EP400: variants seen among roughly 807,000 people sequenced by gnomAD.
The protein encoded by EP400 is E1A binding protein p400.
A neutral mutation model predicts 354.1 loss-of-function variants in EP400; 105 were observed. That is an observed-to-expected ratio of 0.30 (90% CI 0.25 to 0.35). The LOEUF (loss-of-function observed/expected upper bound fraction) is 0.35, where lower values mean the gene tolerates loss of function less well. Among genes scored for constraint, EP400 ranks in the 10% least tolerant of loss-of-function variants. The pLI, the probability that EP400 is intolerant of heterozygous loss-of-function variation, is 1.00. For missense variants in EP400, 3,280 were observed against 4,121.0 expected (o/e 0.80, Z 5.59); for synonymous variants, 1,646 against 1,716.9 (o/e 0.96, Z 1.02).
rs1566174645 is a variant in EP400 at position 131,987,830 on chromosome 12, G to C, written c.2349G>C (p.Met783Ile). ...KSHWDYLLEE[M>I]QWMATDFAQE... is the part of the protein sequence containing the mutation. ...ACTGGGACTATCTGCTGGAGGAGATGCAGTGGATGGCCACAGACTTTGCCC... is the reference window on the plus strand; with the variant it reads ...ACTGGGACTATCTGCTGGAGGAGATCCAGTGGATGGCCACAGACTTTGCCC... Residue 783 changes from methionine to isoleucine, a missense_variant, in exon 7 of 53, where the codon ATG (methionine) becomes ATC (isoleucine). Physicochemically the swap from Met to Ile is conservative, Grantham distance 10. Transcript: ENST00000389561. 4 of 1,613,702 alleles carry C rather than the reference G, an allele frequency of 2.5e-6. No homozygotes were observed. The highest frequency in any genetic ancestry group is 3.4e-6 in the Non-Finnish European group (4 of 1,179,906).
intron 32 of EP400, among the ~76,000 whole-genome samples, chr12:132,041,078 C>T (rs1339578914): frequency 6.6e-6 from 1 of 152,240 alleles, no homozygotes; most frequent in Non-Finnish European, 1.5e-5. Flanking sequence ...CTGCTCCTCA[C>T]TGGCTTGACC....
intron 2 of EP400, among the ~76,000 whole-genome samples, chr12:131,971,280 T>C (rs1892280219): frequency 6.6e-6 from 1 of 152,254 alleles, no homozygotes; most frequent in Admixed American, 6.5e-5. Context: ...GTTAGCATTA[T>C]GCCCTCTAGG....
At chr12:132,066,546 G>A (rs898185337) in intron 48 of EP400, 9 of 524,920 alleles carry the variant, frequency 1.7e-5, no homozygotes, top group Non-Finnish European at 3.0e-5. Context: ...AGCAGCATGT[G>A]TGATGAGCCT....
chr12:132,041,659 A>T (rs1894914230), intron 32 of EP400, among the ~76,000 whole-genome samples: 1 of 152,190 alleles, frequency 6.6e-6, no homozygotes, highest in South Asian at 2.1e-4. Flanking sequence ...CGTATGTGCA[A>T]TTCAGGCTGC....
intron 12 of EP400, among the ~76,000 whole-genome samples, chr12:131,998,471 G>C (rs1172326247): frequency 6.6e-6 from 1 of 151,884 alleles, no homozygotes; most frequent in African/African-American, 2.4e-5. Flanking sequence ...TTTCATGATT[G>C]TGTCTCTTTT....
Position 132,077,797 on chromosome 12 carries a change from C to A in EP400, c.*124C>A. The A allele has an allele frequency of 8.4e-7, 1 of 1,190,130 alleles. No homozygotes were observed. The highest frequency in any genetic ancestry group is 1.1e-6 in the Non-Finnish European group (1 of 874,606). 73.7% of individuals were successfully genotyped at this position (1,190,130 alleles called of 1,614,324 possible). A position where few individuals can be genotyped will look rare whatever the true frequency, so the allele number is the denominator to read the frequency against. On this transcript the variant is annotated 3_prime_UTR_variant, in exon 53 of 53. Transcript: ENST00000389561. ...AGCACTGGGAAAGATATAATTGAAA[C>A]AAAATAGTGTAATCATTTTATTAAA... is the stretch of plus-strand genomic sequence containing the variant.
At chr12:132,056,575 G>A (rs1013731564) in intron 45 of EP400, among the ~76,000 whole-genome samples, 4 of 152,244 alleles carry the variant, frequency 2.6e-5, no homozygotes, top group South Asian at 4.1e-4. Flanking sequence ...TAACTCACAC[G>A]GAGTATGAAA....
intron 19 of EP400, among the ~76,000 whole-genome samples, chr12:132,016,186 C>T (rs769641071): frequency 1.3e-5 from 2 of 152,190 alleles, no homozygotes; most frequent in African/African-American, 4.8e-5. Context: ...TCTTTTCCTT[C>T]CCACCGCTGC....
At chr12:131,986,905 G>C (rs1157781469) in intron 6 of EP400, 98 bp downstream of exon 6, 7 of 1,389,640 alleles carry the variant, frequency 5.0e-6, no homozygotes, top group Non-Finnish European at 6.9e-6. Flanking sequence ...CGAATGCCTG[G>C]TCAATTCAGC....
rs1895915699 is a variant in EP400 at position 132,067,063 on chromosome 12, C to T, written c.8749+94C>T. 7.2e-7 allele frequency: 1 copy of T among 1,395,842 alleles called. No homozygotes were observed. The highest frequency in any genetic ancestry group is 9.4e-7 in the Non-Finnish European group (1 of 1,060,738). 86.5% of individuals were successfully genotyped at this position (1,395,842 alleles called of 1,614,324 possible). A position where few individuals can be genotyped will look rare whatever the true frequency, so the allele number is the denominator to read the frequency against. On this transcript the variant is annotated intron_variant, in intron 49 of 52. Transcript: ENST00000389561. This position sits in a 1 kb window ranked among gnomAD's most constrained non-coding sequence, Gnocchi z 5.3. Reference sequence around the variant, plus strand: ...GGTCGCCAGCGACCCGTGTTCTTTCCTCACACCCACCCACTTGAGCGTGCC... The same window carrying T: ...GGTCGCCAGCGACCCGTGTTCTTTCTTCACACCCACCCACTTGAGCGTGCC...
Position 132,021,209 on chromosome 12 carries a change from C to G in EP400, c.4578C>G (p.Ala1526=). ...AKLRAQTTAQ[A]STPGQPPPQP... is the part of the protein sequence containing the mutation. Reference sequence around the variant, plus strand: ...TGCGGGCCCAGACCACAGCACAGGCCTCCACCCCAGGCCAGCCCCCGCCCC... The same window carrying G: ...TGCGGGCCCAGACCACAGCACAGGCGTCCACCCCAGGCCAGCCCCCGCCCC... The change falls in exon 23 of 53, where the codon GCC becomes GCG. Residue 1526 remains alanine (A), a synonymous_variant. Coordinates refer to ENST00000389561, the MANE Select transcript of EP400 (RefSeq NM_015409.5). The G allele has an allele frequency of 6.3e-7, 1 of 1,598,684 alleles. No homozygotes were observed. Among genetic ancestry groups the G allele is most frequent in the Non-Finnish European group, 8.5e-7 (1 of 1,178,918 alleles).
chr12:132,027,884 C>G lies in EP400; in HGVS notation c.5110-133C>G. The G allele has an allele frequency of 1.0e-6, 1 of 966,524 alleles. No individual in the cohort carries two copies. The highest frequency in any genetic ancestry group is 1.5e-6 in the Non-Finnish European group (1 of 658,152). 59.9% of individuals were successfully genotyped at this position (966,524 alleles called of 1,614,324 possible). A position where few individuals can be genotyped will look rare whatever the true frequency, so the allele number is the denominator to read the frequency against. On this transcript the variant is annotated intron_variant, in intron 26 of 52. Transcript: ENST00000389561. This position sits in a 1 kb window ranked among gnomAD's most constrained non-coding sequence, Gnocchi z 4.9. ...TCGGCTTCATTTCTATCTCTATTTCCTGTAACACAAGACCGGGGATATTGA... is the reference window on the plus strand; with the variant it reads ...TCGGCTTCATTTCTATCTCTATTTCGTGTAACACAAGACCGGGGATATTGA...
chr12:132,035,634 A>C (rs778701582), intron 30 of EP400, among the ~76,000 whole-genome samples: 1 of 150,830 alleles, frequency 6.6e-6, no homozygotes, highest in Non-Finnish European at 1.5e-5. Context: ...GGGCACACCC[A>C]GGTTCACACA....
At chr12:132,060,084 C>G (rs1353440832) in intron 45 of EP400, among the ~76,000 whole-genome samples, 1 of 151,918 alleles carries the variant, frequency 6.6e-6, no homozygotes, top group African/African-American at 2.4e-5. Flanking sequence ...ATCTGAATAT[C>G]TGTAAGCAGG....
In EP400 at chr12:132,021,254, C is replaced by G. The variant is rs757709987; in HGVS notation, c.4623C>G (p.His1541Gln). 22 of 1,542,154 alleles carry G rather than the reference C, an allele frequency of 1.4e-5. No individual in the cohort carries two copies. The highest frequency in any genetic ancestry group is 1.0e-5 in the Non-Finnish European group (12 of 1,150,238). The change falls in exon 23 of 53, where the codon CAC (histidine) becomes CAG (glutamine). Residue 1541 changes from histidine to glutamine, a missense_variant. Physicochemically the swap from His to Gln is conservative, Grantham distance 24. Transcript: ENST00000389561. ...CGCCCCAGCCCCAGGCCCCCTCGCA[C>G]GCGGCCGGGCAGAGCGCGCTGCCTC... Reference protein sequence around the residue: ...QPPPQPQAPSHAAGQSALPQR... With the variant: ...QPPPQPQAPSQAAGQSALPQR...
chr12:131,958,118 C>G (rs1394670396), intron 1 of EP400, among the ~76,000 whole-genome samples: 1 of 152,168 alleles, frequency 6.6e-6, no homozygotes, highest in Non-Finnish European at 1.5e-5. Context: ...CCCGAATATA[C>G]TCTACCTATG....
At chr12:131,971,408 A>G (rs1172618369) in intron 2 of EP400, among the ~76,000 whole-genome samples, 3 of 152,210 alleles carry the variant, frequency 2.0e-5, no homozygotes, top group Admixed American at 2.0e-4. Flanking sequence ...TTGTTTTCAT[A>G]GCTTGGCTGT....
Position 132,020,212 on chromosome 12 carries a change from G to A in EP400, c.4441G>A (p.Ala1481Thr). ...CGCCACGTTCTCTGCCAATCCGGAGGCAAAAGGTAGACTTCACGTAGTTGT... is the reference window on the plus strand; with the variant it reads ...CGCCACGTTCTCTGCCAATCCGGAGACAAAAGGTAGACTTCACGTAGTTGT... Reference protein sequence around the residue: ...PIATFSANPEAKAAAAPFQTS... With the variant: ...PIATFSANPETKAAAAPFQTS... The change falls in exon 22 of 53, where the codon GCA becomes ACA. Residue 1481 changes from alanine (A) to threonine (T), a missense_variant. Coordinates refer to ENST00000389561, the MANE Select transcript of EP400 (RefSeq NM_015409.5). The A allele has an allele frequency of 6.2e-7, 1 of 1,601,190 alleles. No individual in the cohort carries two copies. Among genetic ancestry groups the A allele is most frequent in the Non-Finnish European group, 8.5e-7 (1 of 1,174,104 alleles).
rs141078899 is a variant in EP400 at position 132,064,746 on chromosome 12, C to T, written c.8413C>T (p.Pro2805Ser). ...ACCGCCACAGGCCCAGTCTGCGCCC[C>T]CGCAGCCAACAGCCCAAGTGCAAGT... ...PPPPQAQSAP[P>S]QPTAQVQVQT... Residue 2805 changes from proline (P) to serine (S), a missense_variant, in exon 48 of 53, where the codon CCG (proline) becomes TCG (serine). Around this residue, in one of 20 missense-constraint regions of EP400, gnomAD observed 86 missense variants for 66.4 expected, o/e 1.29. Coordinates refer to ENST00000389561, the MANE Select transcript of EP400 (RefSeq NM_015409.5). The T allele has an allele frequency of 1.0e-3, 1,691 of 1,613,756 alleles. 2 individuals carry two copies. The highest frequency in any genetic ancestry group is 1.5e-3 in the Middle Eastern group (9 of 6,058).
Sources: allele counts gnomAD v4.1 joint callset (sites outside exome capture counted in the v4.1 genomes callset), GRCh38; gene constraint gnomAD v4.1.1; regional missense constraint gnomAD v4.1.1; non-coding constraint Gnocchi (gnomAD v3.1); transcripts MANE v1.5; gene names NCBI Gene and HGNC (gene_info 2026-07-23, HGNC 2026-07-21).